Variants in APBB2 observed in about 807,000 individuals in gnomAD.
The protein encoded by APBB2 is amyloid beta precursor protein binding family B member 2.
In APBB2, 38 loss-of-function variants were observed where a neutral mutation model predicts 82.5. The observed-to-expected ratio is 0.46, with a 90% confidence interval of 0.36 to 0.60. APBB2 has a LOEUF of 0.60. APBB2 is among the 20% of genes least tolerant of loss of function. The probability of loss-of-function intolerance (pLI) is 0.00; values close to 1 mark genes in which losing one functional copy is unlikely to be tolerated. For missense variants in APBB2, 772 were observed against 972.3 expected (o/e 0.79, Z 2.74); for synonymous variants, 341 against 368.2 (o/e 0.93, Z 0.85).
At chr4:41,191,382 C>A (rs992304056) in intron 1 of APBB2, among the ~76,000 whole-genome samples, 8 of 152,182 alleles carry the variant, frequency 5.3e-5, no homozygotes, top group Non-Finnish European at 1.0e-4. Context: ...GCTATCAAAT[C>A]TTTTTAAAGT....
intron 1 of APBB2, among the ~76,000 whole-genome samples, chr4:41,191,251 CT>C (rs1774349098): frequency 6.6e-6 from 1 of 152,174 alleles, no homozygotes; most frequent in South Asian, 2.1e-4. Flanking sequence ...AATAAACAGC[CT>C]TCTCTCCCCC....
chr4:40,880,834 T>C (rs1424958856), intron 12 of APBB2: 1 of 980,646 alleles, frequency 1.0e-6, no homozygotes, highest in Non-Finnish European at 1.2e-6. Context: ...TACTGAAACA[T>C]GCTCACAAGA....
At chr4:40,840,127 T>C (rs1755336962) in intron 12 of APBB2, among the ~76,000 whole-genome samples, 1 of 152,164 alleles carries the variant, frequency 6.6e-6, no homozygotes, top group South Asian at 2.1e-4. Flanking sequence ...AGCAAACGGA[T>C]TGGATCCAAA....
chr4:40,995,830 C>T (rs752212158), intron 6 of APBB2, among the ~76,000 whole-genome samples: 1 of 151,944 alleles, frequency 6.6e-6, no homozygotes, highest in Non-Finnish European at 1.5e-5. Flanking sequence ...GCCACCGTGC[C>T]AGCCCTTAAA....
intron 12 of APBB2, among the ~76,000 whole-genome samples, chr4:40,837,151 C>T (rs930629995): frequency 3.3e-5 from 5 of 152,202 alleles, no homozygotes; most frequent in South Asian, 2.1e-4. Flanking sequence ...TAAACTGGTG[C>T]GATCAGCTCA....
rs770415819 is a variant in APBB2, at chr4:40,989,596, G to T, written c.835+23987C>A. Among the ~76,000 whole-genome samples the T allele has an allele frequency of 4.9e-4, 74 of 151,812 alleles. 1 individual carries two copies. Among genetic ancestry groups the T allele is most frequent in the Non-Finnish European group, 7.7e-4 (52 of 67,970 alleles). ...TCCAAACTAGCTACCTATTTGCTTT[G>T]TTAATTTGCTTGTTTGGTTATTTAT... is the stretch of plus-strand genomic sequence containing the variant. On this transcript the variant is annotated intron_variant, in intron 6 of 17. Coordinates refer to ENST00000508593, the MANE Select transcript of APBB2 (RefSeq NM_004307.2).
intron 2 of APBB2, among the ~76,000 whole-genome samples, chr4:41,101,427 G>A (rs2153969110): frequency 8.2e-6 from 1 of 122,594 alleles, no homozygotes; most frequent in African/African-American, 3.2e-5. Flanking sequence ...TTGCGCCACT[G>A]CAGTCCGCAG....
In APBB2 at chr4:40,908,734, C is replaced by T. The variant is rs116646265; in HGVS notation, c.1255-15323G>A. Among the ~76,000 whole-genome samples the T allele has an allele frequency of 9.2e-3, 1,394 of 152,318 alleles. 16 individuals carry two copies. The highest frequency in any genetic ancestry group is 0.031 in the African/African-American group (1,306 of 41,550). On this transcript the variant is annotated intron_variant, in intron 10 of 17. Transcript: ENST00000508593. ...AGTACTTCAAAGCCCACCAGCTCTA[C>T]GTTTATAGCTTTGGGCTGGTCCCGA...
chr4:40,907,345 TTACA>T lies in APBB2; in HGVS notation c.1255-13938_1255-13935del, dbSNP rs575931754. Among the ~76,000 whole-genome samples the T allele has an allele frequency of 5.6e-4, 59 of 104,936 alleles. 2 individuals carry two copies. Among genetic ancestry groups the T allele is most frequent in the African/African-American group, 2.1e-3 (54 of 25,232 alleles). 68.8% of individuals were successfully genotyped at this position (104,936 alleles called of 152,430 possible). On this transcript the variant is annotated intron_variant, in intron 10 of 17. Coordinates refer to ENST00000508593, the MANE Select transcript of APBB2 (RefSeq NM_004307.2). Reference sequence around the variant, plus strand: ...GCTTTATTTAATTTAATTTAATATATTACATATATATATATATATATATATATAT... The same window carrying T: ...GCTTTATTTAATTTAATTTAATATATTATATATATATATATATATATATAT...
At chr4:41,032,767 C>A (rs1262700357) in intron 5 of APBB2, among the ~76,000 whole-genome samples, 4 of 129,966 alleles carry the variant, frequency 3.1e-5, no homozygotes, top group African/African-American at 5.4e-5. Flanking sequence ...TTTAAAGATT[C>A]ATTTTTCTTT....
intron 1 of APBB2, among the ~76,000 whole-genome samples, chr4:41,163,183 G>A (rs769964214): frequency 1.4e-4 from 21 of 152,182 alleles, no homozygotes; most frequent in African/African-American, 1.9e-4. Flanking sequence ...GGATGATTCC[G>A]GCAGATTTTA....
chr4:40,869,228 A>G (rs898285314), intron 12 of APBB2, among the ~76,000 whole-genome samples: 2 of 152,164 alleles, frequency 1.3e-5, no homozygotes, highest in African/African-American at 4.8e-5. Context: ...CCAATTTTAA[A>G]GCTGCATATA....
At chr4:40,854,060 A>G (rs1053120151) in intron 12 of APBB2, among the ~76,000 whole-genome samples, 28 of 152,344 alleles carry the variant, frequency 1.8e-4, no homozygotes, top group Middle Eastern at 3.4e-3. Flanking sequence ...GCCGAACAGC[A>G]TATTAACCAT....
chr4:41,155,737 A>G (rs1277912772), intron 1 of APBB2, among the ~76,000 whole-genome samples: 1 of 152,202 alleles, frequency 6.6e-6, no homozygotes, highest in Non-Finnish European at 1.5e-5. Context: ...AGCTGCTGCT[A>G]AGAATTTTTT....
chr4:40,857,960 G>C (rs60262272), intron 12 of APBB2, among the ~76,000 whole-genome samples: 20,379 of 152,110 alleles, frequency 0.13, 1,483 homozygotes, highest in Non-Finnish European at 0.16. Context: ...GCTGGAAAGT[G>C]TTTACAGATC....
intron 10 of APBB2, among the ~76,000 whole-genome samples, chr4:40,919,316 A>G (rs1008659033): frequency 6.6e-6 from 1 of 152,234 alleles, no homozygotes; most frequent in Non-Finnish European, 1.5e-5. Context: ...CCCCATTAAC[A>G]TATAGGAACT....
At chr4:40,856,474 C>T (rs1468461410) in intron 12 of APBB2, among the ~76,000 whole-genome samples, 3 of 152,256 alleles carry the variant, frequency 2.0e-5, no homozygotes, top group African/African-American at 7.2e-5. Context: ...GCATGGAAGT[C>T]ACACCAATAT....
chr4:40,850,353 T>C (rs1213763205), intron 12 of APBB2, among the ~76,000 whole-genome samples: 1 of 152,164 alleles, frequency 6.6e-6, no homozygotes, highest in Non-Finnish European at 1.5e-5. Context: ...AAGTATGTCA[T>C]CTTAAAAAAG....
At chr4:41,089,674 A>G (rs1261036012) in intron 3 of APBB2, among the ~76,000 whole-genome samples, 4 of 152,230 alleles carry the variant, frequency 2.6e-5, no homozygotes, top group Admixed American at 2.0e-4. Context: ...TCATTCACAG[A>G]TAGCCAGTGG....
Sources: gnomAD v4.1 joint callset for allele counts (sites outside exome capture counted in the v4.1 genomes callset) on GRCh38, gnomAD v4.1.1 for gene constraint, MANE v1.5 for transcripts, NCBI Gene and HGNC (gene_info 2026-07-23, HGNC 2026-07-21) for gene names.